Variants in TXNRD2 observed in about 807,000 individuals in gnomAD.
The protein encoded by TXNRD2 is thioredoxin reductase 2, mitochondrial.
Under a neutral mutation model 70.8 loss-of-function variants are expected in TXNRD2, and 67 were observed. The observed-to-expected ratio is 0.95, with a 90% CI of 0.78 to 1.16. The LOEUF (loss-of-function observed/expected upper bound fraction) is 1.16. Among genes scored for constraint, TXNRD2 ranks in the 50% most tolerant of loss-of-function variants. The pLI is 0.00. For missense variants in TXNRD2, 644 were observed against 719.9 expected, an observed-to-expected ratio of 0.89 and a Z score of 1.21; for synonymous variants, 301 against 295.8, an observed-to-expected ratio of 1.02 and a Z score of -0.18.
chr22:19,880,262 T>C lies in TXNRD2; in HGVS notation c.1192A>G (p.Thr398Ala). 1.2e-6 allele frequency: 2 copies of C among 1,613,562 alleles called. No individual in the cohort carries two copies. The highest frequency in any genetic ancestry group is 1.7e-6 in the Non-Finnish European group (2 of 1,179,994). The part of the protein sequence containing the change: ...DLMDYDNVPT[T>A]VFTPLEYGCV... ...CCATACTCCAGCGGGGTGAAGACGG[T>C]CGTGGGAACCTGAAAGCAGGTCTGG... The change falls in exon 14 of 18, where the codon ACC becomes GCC. Residue 398 changes from threonine to alanine, a missense_variant. This residue lies in a region of TXNRD2 where 566 missense variants were observed against 645.0 expected (regional missense o/e 0.88). Coordinates refer to ENST00000400521, the MANE Select transcript of TXNRD2 (RefSeq NM_006440.5).
At chr22:19,933,469 A>G in intron 1 of TXNRD2, 4 of 1,289,714 alleles carry the variant, frequency 3.1e-6, no homozygotes, top group Non-Finnish European at 4.0e-6. Flanking sequence ...TTGTTGCCAT[A>G]GCAGGGCCCT....
At chr22:19,892,367 G>A (rs1400597789) in intron 11 of TXNRD2, among the ~76,000 whole-genome samples, 2 of 152,282 alleles carry the variant, frequency 1.3e-5, no homozygotes, top group African/African-American at 2.4e-5. Flanking sequence ...CAGCAGGCGC[G>A]CAGAAGCCGC....
intron 5 of TXNRD2, 91 bp downstream of exon 5, chr22:19,918,052 T>C: frequency 8.9e-7 from 1 of 1,124,622 alleles, no homozygotes; most frequent in Non-Finnish European, 1.4e-6. Flanking sequence ...TGCCAGAGCA[T>C]GCTCTGCACA....
intron 2 of TXNRD2, among the ~76,000 whole-genome samples, chr22:19,922,350 T>C (rs1019664334): frequency 1.3e-5 from 2 of 152,194 alleles, no homozygotes; most frequent in African/African-American, 4.8e-5. Flanking sequence ...CATGTGTCTG[T>C]CTCGGTAACT....
chr22:19,880,342 C>CAA, intron 13 of TXNRD2, 71 bp from the exon 14 acceptor site: 1 of 1,469,716 alleles, frequency 6.8e-7, no homozygotes, highest in East Asian at 2.3e-5. Context: ...GCATGTGACA[C>CAA]AAAGAGCAGC....
In TXNRD2 at chr22:19,899,205, G is replaced by T. The variant is rs568813984; in HGVS notation, c.663-137C>A. 3.6e-6 allele frequency: 4 copies of T among 1,118,294 alleles called. No homozygotes were observed. The African/African-American group carries it at 4.6e-5, about 13-fold the overall frequency. 69.3% of individuals were successfully genotyped at this position (1,118,294 alleles called of 1,614,324 possible). ...TCCAAGGTTACTGTTCAAACAGCTT[G>T]CCCCAGGGGACAAAGCCCACTTTCC... On this transcript the variant is annotated intron_variant, in intron 8 of 17. Coordinates refer to ENST00000400521, the MANE Select transcript of TXNRD2 (RefSeq NM_006440.5).
intron 1 of TXNRD2, among the ~76,000 whole-genome samples, chr22:19,935,413 A>G (rs1941505264): frequency 6.6e-6 from 1 of 152,186 alleles, no homozygotes; most frequent in Non-Finnish European, 1.5e-5. Context: ...GTTGTTTAAG[A>G]TGTTTATCAA....
At chr22:19,881,114 G>A in intron 12 of TXNRD2, 1 of 464,034 alleles carries the variant, frequency 2.2e-6, no homozygotes, top group Non-Finnish European at 3.8e-6. Flanking sequence ...GGCTAAAAAG[G>A]GACCCCAAAG....
intron 6 of TXNRD2, 75 bp from the exon 7 acceptor site, chr22:19,915,351 A>C (rs1328442651): frequency 1.3e-6 from 2 of 1,504,824 alleles, no homozygotes; most frequent in Admixed American, 1.9e-5. Context: ...TGAGCACCAC[A>C]GACCTTGGCC....
At chr22:19,896,590 A>G (rs781596087) in intron 10 of TXNRD2, among the ~76,000 whole-genome samples, 6 of 152,208 alleles carry the variant, frequency 3.9e-5, no homozygotes, top group Non-Finnish European at 7.3e-5. Context: ...GATCAGGGAC[A>G]GAGAGAGTCC....
intron 2 of TXNRD2, among the ~76,000 whole-genome samples, chr22:19,924,382 C>T (rs888942564): frequency 4.6e-5 from 7 of 152,182 alleles, no homozygotes; most frequent in African/African-American, 1.7e-4. Context: ...CACCCTAAGG[C>T]CCAGCCTCAT....
intron 12 of TXNRD2, among the ~76,000 whole-genome samples, chr22:19,882,969 A>C (rs1231722087): frequency 6.6e-6 from 1 of 152,256 alleles, no homozygotes; most frequent in Non-Finnish European, 1.5e-5. Flanking sequence ...GGACGGCCCC[A>C]AGGCCATGGT....
chr22:19,905,306 T>C (rs575582789), intron 8 of TXNRD2, among the ~76,000 whole-genome samples: 1 of 152,334 alleles, frequency 6.6e-6, no homozygotes, highest in South Asian at 2.1e-4. Flanking sequence ...AGATTCCTTC[T>C]AAACGAAAGA....
At chr22:19,910,703 C>A (rs1940366670) in intron 8 of TXNRD2, among the ~76,000 whole-genome samples, 1 of 152,178 alleles carries the variant, frequency 6.6e-6, no homozygotes, top group Admixed American at 6.5e-5. Context: ...ACCTCCTGGG[C>A]TCAAGCAATC....
At chr22:19,935,485 G>A (rs1941507110) in intron 1 of TXNRD2, among the ~76,000 whole-genome samples, 2 of 152,186 alleles carry the variant, frequency 1.3e-5, no homozygotes, top group Non-Finnish European at 1.5e-5. Flanking sequence ...CCCTTGTCCT[G>A]TTTCCTCAGA....
rs761938373 is a variant in TXNRD2 at position 19,878,201 on chromosome 22, A to G, written c.1348-14T>C. 3.1e-6 allele frequency: 5 copies of G among 1,612,064 alleles called. No individual in the cohort carries two copies. Among genetic ancestry groups the G allele is most frequent in the Non-Finnish European group, 4.2e-6 (5 of 1,179,296 alleles). On this transcript the variant is annotated splice_polypyrimidine_tract_variant and intron_variant, in intron 15 of 17. Coordinates refer to ENST00000400521, the MANE Select transcript of TXNRD2 (RefSeq NM_006440.5). ...CAGGCACACCATCTGAAAGCCGCAC[A>G]TCTCAGCCACCAGCCCAGGAGGGGG...
At chr22:19,924,114 G>C (rs1407567244) in intron 2 of TXNRD2, among the ~76,000 whole-genome samples, 2 of 151,778 alleles carry the variant, frequency 1.3e-5, no homozygotes, top group African/African-American at 4.8e-5. Context: ...AATCCTCCCA[G>C]CTCAGCCTCC....
rs1268739900 is a variant in TXNRD2, at chr22:19,883,387, G to A, written c.1024C>T (p.Leu342=). Residue 342 remains leucine (L), a synonymous_variant, in exon 12 of 18, where the codon CTG becomes TTG. Coordinates refer to ENST00000400521, the MANE Select transcript of TXNRD2 (RefSeq NM_006440.5). ...VDTSPDTQKI[L]VDSREATSVP... ...GAGGTGGCTTCCCGGGAGTCCACCA[G>A]GATCTTCTGAGTGTCGGGGCTAGTA... 6.2e-7 allele frequency: 1 copy of A among 1,614,092 alleles called. No individual in the cohort carries two copies. Among genetic ancestry groups the A allele is most frequent in the East Asian group, 2.2e-5 (1 of 44,878 alleles).
intron 6 of TXNRD2, 73 bp from the exon 7 acceptor site, chr22:19,915,349 A>C (rs1463675305): frequency 6.6e-7 from 1 of 1,520,462 alleles, no homozygotes; most frequent in Non-Finnish European, 9.0e-7. Flanking sequence ...CCTGAGCACC[A>C]CAGACCTTGG....
Sources: allele counts gnomAD v4.1 joint callset (sites outside exome capture counted in the v4.1 genomes callset), GRCh38; gene constraint gnomAD v4.1.1; regional missense constraint gnomAD v4.1.1; transcripts MANE v1.5; gene names NCBI Gene and HGNC (gene_info 2026-07-23, HGNC 2026-07-21).